The following PNISR variants were observed in gnomAD, a reference collection of about 807,000 sequenced individuals.
The protein encoded by PNISR is PNN interacting serine and arginine rich protein.
PNISR carries 20 observed loss-of-function variants against 93.4 expected under a neutral mutation model. That is an observed-to-expected ratio of 0.21 (90% CI 0.15 to 0.31). PNISR has a LOEUF of 0.31. Among genes scored for constraint, PNISR ranks in the 10% least tolerant of loss-of-function variants. PNISR has a pLI of 1.00. For missense variants in PNISR, 893 were observed against 985.4 expected (o/e 0.91, Z 1.25); for synonymous variants, 305 against 306.5 (o/e 0.99, Z 0.05).
chr6:99,410,610 C>T, intron 5 of PNISR, 131 bp downstream of exon 5: 1 of 583,370 alleles, frequency 1.7e-6, no homozygotes, highest in East Asian at 2.8e-5. Flanking sequence ...AAATTGATAA[C>T]TGAGACAGAA....
chr6:99,402,372 T>A (rs1015881936), intron 11 of PNISR, among the ~76,000 whole-genome samples, 168 bp downstream of exon 11: 4 of 152,210 alleles, frequency 2.6e-5, no homozygotes, highest in Non-Finnish European at 5.9e-5. Context: ...GCCACTGCAA[T>A]AAATGGCTCC....
rs1245424485 is a variant in PNISR, at chr6:99,410,874, G to T, written c.368C>A (p.Ser123Tyr). 2 of 1,614,096 alleles carry T rather than the reference G, an allele frequency of 1.2e-6. No homozygotes were observed. Among genetic ancestry groups the T allele is most frequent in the South Asian group, 2.2e-5 (2 of 91,068 alleles). ...ACTGTCCTGACTGTTGCTGTCTTCA[G>T]AAGGAGGAACAATGTCCATTGGGCC... Reference protein sequence around the residue: ...TPGPMDIVPPSEDSNSQDSGE... With the variant: ...TPGPMDIVPPYEDSNSQDSGE... Residue 123 changes from serine to tyrosine, a missense_variant, in exon 5 of 12, where the codon TCT (serine) becomes TAT (tyrosine). By Grantham distance (144) the Ser-to-Tyr change is moderately radical. Coordinates refer to ENST00000369239, the MANE Select transcript of PNISR (RefSeq NM_032870.4).
Position 99,409,191 on chromosome 6 carries a change from G to C in PNISR, c.655C>G (p.Gln219Glu). 3 of 1,613,732 alleles carry C rather than the reference G, an allele frequency of 1.9e-6. No homozygotes were observed. Among genetic ancestry groups the C allele is most frequent in the Non-Finnish European group, 2.5e-6 (3 of 1,179,752 alleles). ...TAGCTACCAATTTGTGGAGGCTCCTGCTTCACAGGAAGTGCAATAGGTGAA... is the reference window on the plus strand; with the variant it reads ...TAGCTACCAATTTGTGGAGGCTCCTCCTTCACAGGAAGTGCAATAGGTGAA... ...QRSPIALPVK[Q>E]EPPQIDAVKR... Residue 219 changes from glutamine (Q) to glutamate (E), a missense_variant, in exon 6 of 12, where the codon CAG becomes GAG. By Grantham distance (29) the Gln-to-Glu change is conservative. Around this residue, in one of 3 missense-constraint regions of PNISR, gnomAD observed 866 missense variants for 935.1 expected, o/e 0.93. Transcript: ENST00000369239.
At chr6:99,423,830 T>C (rs1778998163) in intron 1 of PNISR, among the ~76,000 whole-genome samples, 1 of 152,158 alleles carries the variant, frequency 6.6e-6, no homozygotes. Context: ...AGGCGTATAG[T>C]GTAAGCTCTA....
chr6:99,422,268 A>G (rs1459908889), intron 1 of PNISR, among the ~76,000 whole-genome samples: 2 of 152,202 alleles, frequency 1.3e-5, no homozygotes, highest in African/African-American at 4.8e-5. Context: ...ATCAACTACA[A>G]AATCAAAGAG....
chr6:99,405,706 A>C (rs1006116475), intron 8 of PNISR, among the ~76,000 whole-genome samples: 6 of 151,976 alleles, frequency 3.9e-5, no homozygotes, highest in Non-Finnish European at 7.4e-5. Flanking sequence ...CTGGGACTGC[A>C]GGTGCACCTC....
chr6:99,414,496 C>T, intron 3 of PNISR, 76 bp downstream of exon 3: 2 of 745,784 alleles, frequency 2.7e-6, no homozygotes, highest in Admixed American at 4.0e-5. Flanking sequence ...TTCCATATCC[C>T]TTAATCCCAT....
At chr6:99,407,701 A>T (rs1216515335) in intron 7 of PNISR, among the ~76,000 whole-genome samples, 1 of 152,226 alleles carries the variant, frequency 6.6e-6, no homozygotes, top group Non-Finnish European at 1.5e-5. Context: ...CGTCAAAAAC[A>T]ATCAAAATTA....
At chr6:99,405,129 G>A (rs1037825383) in intron 8 of PNISR, among the ~76,000 whole-genome samples, 1 of 151,824 alleles carries the variant, frequency 6.6e-6, no homozygotes, top group Non-Finnish European at 1.5e-5. Flanking sequence ...CCATTTCAAG[G>A]AATAAAGTAT....
rs1775247747 is a variant in PNISR at position 99,399,795 on chromosome 6, CA to C, written c.*744del. 6.6e-6 allele frequency: 1 copy of C among 152,128 alleles called. No individual in the cohort carries two copies. Among genetic ancestry groups the C allele is most frequent in the Non-Finnish European group, 1.5e-5 (1 of 68,008 alleles). 9.4% of individuals were successfully genotyped at this position (152,128 alleles called of 1,614,324 possible). ...TCATACCCTTAAAGTTGGAATCTGG[CA>C]AAAGTCCATGGGTACAATTTACAAA... On this transcript the variant is annotated 3_prime_UTR_variant, in exon 12 of 12. Transcript: ENST00000369239.
At chr6:99,424,859 C>G (rs1239994179) in intron 1 of PNISR, 1 of 194,478 alleles carries the variant, frequency 5.1e-6, no homozygotes, top group Admixed American at 6.1e-5. Context: ...GTCGCGAGCC[C>G]CCGCCTCCTC....
At position 99,401,315 on chromosome 6, in the gene PNISR, C is replaced by G; in HGVS notation, c.1643G>C (p.Arg548Pro). ...CTTTTTCCTTTTAGGAGAAGAAGACCGAGAAGAAGTACGACTACTACCTGA... is the reference window on the plus strand; with the variant it reads ...CTTTTTCCTTTTAGGAGAAGAAGACGGAGAAGAAGTACGACTACTACCTGA... Reference protein sequence around the residue: ...SSSGSSRTSSRSSSPKRKKRH... With the variant: ...SSSGSSRTSSPSSSPKRKKRH... Residue 548 changes from arginine (R) to proline (P), a missense_variant, in exon 12 of 12, where the codon CGG becomes CCG. This residue lies in a region of PNISR where 866 missense variants were observed against 935.1 expected (regional missense o/e 0.93). Transcript: ENST00000369239. 1 of 1,613,926 alleles carries G rather than the reference C, an allele frequency of 6.2e-7. No individual in the cohort carries two copies. Among genetic ancestry groups the G allele is most frequent in the Non-Finnish European group, 8.5e-7 (1 of 1,179,936 alleles).
In PNISR at chr6:99,400,664, G is replaced by C. The variant is rs759155421; in HGVS notation, c.2294C>G (p.Pro765Arg). 1.2e-6 allele frequency: 2 copies of C among 1,613,806 alleles called. No individual in the cohort carries two copies. The highest frequency in any genetic ancestry group is 2.2e-5 in the South Asian group (2 of 91,054). The stretch of plus-strand genomic sequence containing the variant: ...AGCCTTCTTTTCTTTGCTACTTCCT[G>C]GAGACTCAGAACTGCTCCTTCCACT... The part of the protein sequence containing the change: ...DSSGRSSSES[P>R]GSSKEKKAKK... The change falls in exon 12 of 12, where the codon CCA (proline) becomes CGA (arginine). Residue 765 changes from proline to arginine, a missense_variant. By Grantham distance (103) the Pro-to-Arg change is moderately radical (BLOSUM62 -2). Transcript: ENST00000369239.
At chr6:99,405,302 T>A (rs1029923030) in intron 8 of PNISR, among the ~76,000 whole-genome samples, 2 of 151,688 alleles carry the variant, frequency 1.3e-5, no homozygotes. Context: ...TTGTCTCTAC[T>A]GAAAAAATAC....
chr6:99,401,427 C>T lies in PNISR; in HGVS notation c.1531G>A (p.Gly511Arg). 1.2e-6 allele frequency: 2 copies of T among 1,607,050 alleles called. No individual in the cohort carries two copies. Among genetic ancestry groups the T allele is most frequent in the Non-Finnish European group, 1.7e-6 (2 of 1,175,292 alleles). ...EKEKQGRSRS[G>R]SSSSGSSSSN... is the part of the protein sequence containing the mutation. ...CTGGAACTACCACTACTAGAACTTC[C>T]CGACCTACTCCTTCCTTGTTTTTCT... Residue 511 changes from glycine (G) to arginine (R), a missense_variant, in exon 12 of 12, where the codon GGA (glycine) becomes AGA (arginine). By Grantham distance (125) the Gly-to-Arg change is moderately radical. Transcript: ENST00000369239.
intron 1 of PNISR, among the ~76,000 whole-genome samples, chr6:99,417,782 A>G (rs1777901161): frequency 6.6e-6 from 1 of 152,014 alleles, no homozygotes; most frequent in Non-Finnish European, 1.5e-5. Flanking sequence ...CCTGACCAAC[A>G]TGGTGAAACC....
chr6:99,423,412 CCATT>C (rs1778897727), intron 1 of PNISR, among the ~76,000 whole-genome samples: 1 of 152,118 alleles, frequency 6.6e-6, no homozygotes, highest in African/African-American at 2.4e-5. Context: ...GCACAACTGT[CCATT>C]CAGTAAGCGT....
chr6:99,417,827 G>A (rs1777909063), intron 1 of PNISR, among the ~76,000 whole-genome samples: 1 of 151,880 alleles, frequency 6.6e-6, no homozygotes, highest in Non-Finnish European at 1.5e-5. Flanking sequence ...AATTAGCCGG[G>A]CGTGGCGGCG....
rs1024239000 is a variant in PNISR, at chr6:99,408,379, G to A, written c.674-108C>T. On this transcript the variant is annotated intron_variant, in intron 6 of 11. Coordinates refer to ENST00000369239, the MANE Select transcript of PNISR (RefSeq NM_032870.4). ...ATTAAATATCATGCCTTTCTTCAAT[G>A]CCATCACTTTTAGTAACAGCAGGGA... The A allele has an allele frequency of 9.6e-6, 7 of 726,488 alleles. No homozygotes were observed. In the East Asian group the frequency reaches 1.8e-4, roughly 19 times the overall value. The allele number at this position is 726,488 out of a possible 1,614,324, so 45.0% of individuals were successfully genotyped here.
Sources: gnomAD v4.1 joint callset for allele counts (sites outside exome capture counted in the v4.1 genomes callset) on GRCh38, gnomAD v4.1.1 for gene constraint, gnomAD v4.1.1 regional missense constraint, MANE v1.5 for transcripts, NCBI Gene and HGNC (gene_info 2026-07-23, HGNC 2026-07-21) for gene names.